STIM2: variants seen among roughly 807,000 people sequenced by gnomAD.
STIM2 encodes stromal interaction molecule 2.
STIM2 carries 31 observed loss-of-function variants against 85.8 expected under a neutral mutation model. The observed-to-expected ratio is 0.36, with a 90% CI of 0.27 to 0.49. The LOEUF is 0.49. STIM2 is among the 20% of genes least tolerant of loss of function. The pLI is 0.98. For synonymous variants in STIM2, 356 were observed against 331.1 expected (o/e 1.08, Z -0.82); for missense variants, 841 against 927.6 (o/e 0.91, Z 1.21).
At chr4:27,003,245 T>C in intron 7 of STIM2, 141 bp downstream of exon 7, 1 of 754,686 alleles carries the variant, frequency 1.3e-6, no homozygotes. Context: ...GTTTATGTTG[T>C]TAGCATTGAT....
At position 26,860,900 on chromosome 4, in the gene STIM2, A is replaced by G. The variant is rs1577399403; in HGVS notation, c.-319A>G. Reference sequence around the variant, plus strand: ...CGCGGGTGTCGTGCACCGCCTGAAGACGCCGTACCTTTCTACCCCCCACCT... The same window carrying G: ...CGCGGGTGTCGTGCACCGCCTGAAGGCGCCGTACCTTTCTACCCCCCACCT... On this transcript the variant is annotated 5_prime_UTR_variant, in exon 1 of 12. Coordinates refer to ENST00000467087, the MANE Select transcript of STIM2 (RefSeq NM_020860.4). 9.4e-7 allele frequency: 1 copy of G among 1,061,776 alleles called. No individual in the cohort carries two copies. Among genetic ancestry groups the G allele is most frequent in the Non-Finnish European group, 1.2e-6 (1 of 867,084 alleles). 65.8% of individuals were successfully genotyped at this position (1,061,776 alleles called of 1,614,324 possible).
chr4:26,865,132 T>C (rs1722354932), intron 1 of STIM2, among the ~76,000 whole-genome samples: 1 of 152,172 alleles, frequency 6.6e-6, no homozygotes, highest in Admixed American at 6.5e-5. Context: ...GTATTCTCTT[T>C]CTCTTTCCCC....
chr4:26,980,325 A>T (rs1368804729), intron 3 of STIM2, among the ~76,000 whole-genome samples: 22 of 152,196 alleles, frequency 1.4e-4, no homozygotes, highest in Non-Finnish European at 3.2e-4. Flanking sequence ...TATCACATCA[A>T]GTATAAGAAA....
At chr4:26,969,126 G>C (rs1726838161) in intron 3 of STIM2, among the ~76,000 whole-genome samples, 1 of 152,202 alleles carries the variant, frequency 6.6e-6, no homozygotes, top group African/African-American at 2.4e-5. Context: ...CTTGCTGACA[G>C]AATAATTCTC....
intron 4 of STIM2, 21 bp from the exon 5 acceptor site, chr4:26,999,211 G>C: frequency 8.2e-7 from 1 of 1,225,252 alleles, no homozygotes; most frequent in East Asian, 2.5e-5. Flanking sequence ...ATATATGTGT[G>C]TGTGTTTTTC....
intron 1 of STIM2, among the ~76,000 whole-genome samples, chr4:26,913,568 T>C (rs905973332): frequency 6.6e-6 from 1 of 152,244 alleles, no homozygotes; most frequent in African/African-American, 2.4e-5. Flanking sequence ...AGTAATGTTA[T>C]TAGATTTCTA....
intron 1 of STIM2, among the ~76,000 whole-genome samples, chr4:26,918,040 G>A (rs900221641): frequency 1.3e-5 from 2 of 151,900 alleles, no homozygotes; most frequent in Admixed American, 6.6e-5. Flanking sequence ...GTATGTACAC[G>A]TATTTATATA....
At chr4:26,892,690 G>T (rs115672666) in intron 1 of STIM2, among the ~76,000 whole-genome samples, 1 of 152,112 alleles carries the variant, frequency 6.6e-6, no homozygotes, top group African/African-American at 2.4e-5. Context: ...ATGGGTTGTT[G>T]TGGTGTCTTG....
chr4:26,949,185 G>A (rs1725954951), intron 2 of STIM2, among the ~76,000 whole-genome samples: 1 of 151,786 alleles, frequency 6.6e-6, no homozygotes, highest in Non-Finnish European at 1.5e-5. Flanking sequence ...ATTATATTTT[G>A]GGTTTTATTA....
At chr4:26,956,004 C>G (rs1726224758) in intron 2 of STIM2, among the ~76,000 whole-genome samples, 1 of 152,124 alleles carries the variant, frequency 6.6e-6, no homozygotes, top group Admixed American at 6.6e-5. Flanking sequence ...CAACTCTACT[C>G]AGGCAGAATT....
intron 3 of STIM2, among the ~76,000 whole-genome samples, chr4:26,979,526 T>A (rs1727307322): frequency 1.3e-5 from 2 of 152,226 alleles, no homozygotes; most frequent in Admixed American, 1.3e-4. Context: ...ACTAGAGCTC[T>A]TGTCGTTTGG....
intron 3 of STIM2, among the ~76,000 whole-genome samples, chr4:26,980,151 G>T (rs753507125): frequency 6.6e-6 from 1 of 152,134 alleles, no homozygotes; most frequent in Non-Finnish European, 1.5e-5. Flanking sequence ...CTAAAGGCAT[G>T]TATAAATTAC....
chr4:26,995,335 A>G (rs969091131), intron 3 of STIM2, 44 bp from the exon 4 acceptor site: 1 of 997,530 alleles, frequency 1.0e-6, no homozygotes. Context: ...TATTTCTGAA[A>G]GCAGGTGTGT....
chr4:27,002,405 A>G lies in STIM2; in HGVS notation c.803+11A>G. 6.3e-7 allele frequency: 1 copy of G among 1,580,624 alleles called. No homozygotes were observed. Among genetic ancestry groups the G allele is most frequent in the Non-Finnish European group, 8.6e-7 (1 of 1,167,862 alleles). ...GGACTTACAGGAGAGGTAAGTTCAG[A>G]AAAATCATAACTCATTTATGTAGGC... On this transcript the variant is annotated intron_variant, in intron 6 of 11. Coordinates refer to ENST00000467087, the MANE Select transcript of STIM2 (RefSeq NM_020860.4).
intron 2 of STIM2, among the ~76,000 whole-genome samples, chr4:26,927,513 C>T (rs2109070712): frequency 1.8e-5 from 1 of 55,668 alleles, no homozygotes; most frequent in East Asian, 4.3e-4. Context: ...GGGAATATCA[C>T]ACTCTGGGGA....
intron 1 of STIM2, among the ~76,000 whole-genome samples, chr4:26,875,570 A>G (rs1722787710): frequency 6.6e-6 from 1 of 151,684 alleles, no homozygotes; most frequent in Non-Finnish European, 1.5e-5. Context: ...CTAATTTATC[A>G]TATAACAACG....
chr4:26,941,720 C>T (rs1269050301), intron 2 of STIM2, among the ~76,000 whole-genome samples: 1 of 151,048 alleles, frequency 6.6e-6, no homozygotes, highest in Non-Finnish European at 1.5e-5. Context: ...AAGAGATGAG[C>T]AGTACCTTTT....
chr4:26,880,731 G>C lies in STIM2; in HGVS notation c.151+19362G>C, dbSNP rs368187099. On this transcript the variant is annotated intron_variant, in intron 1 of 11. Coordinates refer to ENST00000467087, the MANE Select transcript of STIM2 (RefSeq NM_020860.4). ...TCTAATTTTCTTTTTCCCGAGGATAGACAGCCAAATTAGAATTAAGCTAGA... is the reference window on the plus strand; with the variant it reads ...TCTAATTTTCTTTTTCCCGAGGATACACAGCCAAATTAGAATTAAGCTAGA... Among the ~76,000 whole-genome samples the C allele has an allele frequency of 3.4e-5, 5 of 145,994 alleles. No individual in the cohort carries two copies. The East Asian group carries it at 7.8e-4, about 23-fold the overall frequency.
chr4:26,885,859 A>ATGTATATATATATATATATATATG (rs1396343361), intron 1 of STIM2, among the ~76,000 whole-genome samples: 18 of 89,428 alleles, frequency 2.0e-4, no homozygotes, highest in African/African-American at 5.9e-4. Context: ...ATATATATAT[A>ATGTATATATATATATATATATATG]TATATATATA....
Sources: allele counts gnomAD v4.1 joint callset (sites outside exome capture counted in the v4.1 genomes callset), GRCh38; gene constraint gnomAD v4.1.1; transcripts MANE v1.5; gene names NCBI Gene and HGNC (gene_info 2026-07-23, HGNC 2026-07-21).